The following CSMD1 variants were observed in gnomAD, a reference collection of about 807,000 sequenced individuals.
The protein encoded by CSMD1 is CUB and Sushi multiple domains 1, also known as CUB and sushi domain-containing protein 1.
Under a neutral mutation model 417.5 loss-of-function variants are expected in CSMD1, and 213 were observed. The observed-to-expected ratio is 0.51, with a 90% CI of 0.46 to 0.57. CSMD1 has a LOEUF of 0.57. Among genes scored for constraint, CSMD1 ranks in the 20% least tolerant of loss-of-function variants. The probability of loss-of-function intolerance (pLI) is 0.00; values close to 1 mark genes in which losing one functional copy is unlikely to be tolerated. For missense variants in CSMD1, 6,923 were observed against 4,529.7 expected (o/e 1.53, Z -15.17); for synonymous variants, 2,862 against 1,736.8 (o/e 1.65, Z -16.11).
rs73660311 is a variant in CSMD1, at chr8:3,581,049, T to A, written c.1222+5087A>T. 7.4e-3 allele frequency among the ~76,000 whole-genome samples: 1,133 copies of A among 152,306 alleles called. 17 individuals carry two copies. Among genetic ancestry groups the A allele is most frequent in the African/African-American group, 0.026 (1,085 of 41,566 alleles). ...ACTGGCAATAATACTTTATTTCTCT[T>A]AGAGGGCTTTTCATCTCAGGGAGCA... On this transcript the variant is annotated intron_variant, in intron 9 of 69. Coordinates refer to ENST00000635120, the MANE Select transcript of CSMD1 (RefSeq NM_033225.6).
intron 3 of CSMD1, among the ~76,000 whole-genome samples, chr8:4,108,659 T>G (rs1471236026): frequency 2.0e-5 from 3 of 152,210 alleles, no homozygotes; most frequent in African/African-American, 4.8e-5. Context: ...CCTGACACTT[T>G]CGACAAATTA....
At chr8:3,584,347 C>T (rs1305609348) in intron 9 of CSMD1, among the ~76,000 whole-genome samples, 1 of 152,008 alleles carries the variant, frequency 6.6e-6, no homozygotes, top group Non-Finnish European at 1.5e-5. Flanking sequence ...AAGAGAGACC[C>T]TGCGAAAAAA....
At chr8:3,190,705 C>G (rs1329073438) in intron 33 of CSMD1, among the ~76,000 whole-genome samples, 2 of 152,142 alleles carry the variant, frequency 1.3e-5, no homozygotes, top group South Asian at 2.1e-4. Flanking sequence ...TTGTAGCATT[C>G]TTCAAAATAG....
chr8:3,599,394 C>T (rs1801251915), intron 8 of CSMD1, among the ~76,000 whole-genome samples: 1 of 151,992 alleles, frequency 6.6e-6, no homozygotes. Context: ...CCCAACGCAG[C>T]ATTATTCACC....
intron 5 of CSMD1, among the ~76,000 whole-genome samples, chr8:3,853,489 A>T (rs1324948338): frequency 6.6e-6 from 1 of 152,228 alleles, no homozygotes; most frequent in Non-Finnish European, 1.5e-5. Flanking sequence ...TACGTTGTTC[A>T]CAGACACTTC....
chr8:4,036,442 AAT>A (rs1449447252), intron 3 of CSMD1, among the ~76,000 whole-genome samples: 3 of 152,234 alleles, frequency 2.0e-5, no homozygotes, highest in South Asian at 2.1e-4. Context: ...ATCATTAATG[AAT>A]ATGAGTCTCC....
At chr8:4,184,927 C>G (rs931905582) in intron 3 of CSMD1, among the ~76,000 whole-genome samples, 6 of 150,224 alleles carry the variant, frequency 4.0e-5, no homozygotes, top group East Asian at 1.9e-4. Context: ...CACCTGAGGT[C>G]AGGAGTTCAA....
chr8:4,175,207 C>T (rs1299719875), intron 3 of CSMD1, among the ~76,000 whole-genome samples: 1 of 152,032 alleles, frequency 6.6e-6, no homozygotes, highest in East Asian at 1.9e-4. Flanking sequence ...GAAAATTGAG[C>T]TCAAGTCACT....
intron 3 of CSMD1, among the ~76,000 whole-genome samples, chr8:4,328,570 TA>T (rs992192193): frequency 1.3e-5 from 2 of 152,010 alleles, no homozygotes; most frequent in African/African-American, 4.8e-5. Context: ...CACAACAATT[TA>T]AAAAAATGAA....
chr8:3,978,941 C>T (rs544438994), intron 5 of CSMD1, among the ~76,000 whole-genome samples: 10 of 152,210 alleles, frequency 6.6e-5, no homozygotes, highest in Non-Finnish European at 1.2e-4. Context: ...TCATTGCCAG[C>T]CACAGGTTCC....
chr8:3,732,612 C>A (rs912428724), intron 6 of CSMD1, among the ~76,000 whole-genome samples: 1 of 152,200 alleles, frequency 6.6e-6, no homozygotes, highest in Non-Finnish European at 1.5e-5. Context: ...TTCAGCAACC[C>A]TTGCCTTTAA....
chr8:4,474,465 A>C (rs1800694152), intron 2 of CSMD1, among the ~76,000 whole-genome samples: 1 of 152,196 alleles, frequency 6.6e-6, no homozygotes, highest in Admixed American at 6.5e-5. Flanking sequence ...AGAGAGACTG[A>C]AAATGGAAAA....
intron 10 of CSMD1, among the ~76,000 whole-genome samples, chr8:3,549,238 A>G (rs1798806633): frequency 6.6e-6 from 1 of 152,206 alleles, no homozygotes; most frequent in African/African-American, 2.4e-5. Flanking sequence ...ATGTTCTGAA[A>G]GGGTTGTGGA....
intron 18 of CSMD1, among the ~76,000 whole-genome samples, chr8:3,380,548 A>G (rs1314100672): frequency 6.6e-6 from 1 of 152,220 alleles, no homozygotes; most frequent in East Asian, 1.9e-4. Flanking sequence ...ATCATGGAAT[A>G]CTACGCAGCC....
chr8:4,931,986 A>G (rs1324379570), intron 1 of CSMD1, among the ~76,000 whole-genome samples: 6 of 152,338 alleles, frequency 3.9e-5, no homozygotes, highest in Non-Finnish European at 8.8e-5. Flanking sequence ...GAAAAAATTT[A>G]AAACCACAAT....
At chr8:4,305,413 A>G (rs1335141751) in intron 3 of CSMD1, among the ~76,000 whole-genome samples, 1 of 152,152 alleles carries the variant, frequency 6.6e-6, no homozygotes, top group East Asian at 1.9e-4. Flanking sequence ...CATCAGCTTA[A>G]GTGAAAGGGA....
intron 5 of CSMD1, among the ~76,000 whole-genome samples, chr8:3,975,756 G>C (rs1020602568): frequency 6.6e-6 from 1 of 152,088 alleles, no homozygotes; most frequent in African/African-American, 2.4e-5. Flanking sequence ...AAAATGTCAT[G>C]TCCAAGTCTT....
chr8:4,746,151 G>A (rs1482167820), intron 1 of CSMD1, among the ~76,000 whole-genome samples: 2 of 152,178 alleles, frequency 1.3e-5, no homozygotes, highest in East Asian at 3.9e-4. Context: ...CCTGTTTCTT[G>A]GGCTTTGCAC....
At chr8:3,523,465 A>G (rs1349921680) in intron 10 of CSMD1, among the ~76,000 whole-genome samples, 1 of 152,188 alleles carries the variant, frequency 6.6e-6, no homozygotes, top group East Asian at 1.9e-4. Context: ...AGGTGCCTAA[A>G]GTCCAATTCG....
Sources: allele counts gnomAD v4.1 joint callset (sites outside exome capture counted in the v4.1 genomes callset), GRCh38; gene constraint gnomAD v4.1.1; transcripts MANE v1.5; gene names NCBI Gene and HGNC (gene_info 2026-07-23, HGNC 2026-07-21).